The following CCDC198 variants were observed in gnomAD, a reference collection of about 807,000 sequenced individuals.
CCDC198 encodes the protein factor associated with metabolism and energy.
CCDC198 carries 18 observed loss-of-function variants against 35.6 expected under a neutral mutation model. The ratio of observed to expected loss-of-function variants is 0.51; its 90% CI spans 0.35 to 0.75. CCDC198 has a LOEUF of 0.75. CCDC198 is among the 30% of genes least tolerant of loss of function. The probability of loss-of-function intolerance (pLI) is 0.01; values close to 1 mark genes in which losing one functional copy is unlikely to be tolerated. For synonymous variants in CCDC198, 119 were observed against 113.4 expected (o/e 1.05, Z -0.31); for missense variants, 365 against 343.7 (o/e 1.06, Z -0.49).
In CCDC198 at chr14:57,470,975, C is replaced by T. The variant is rs76009641; in HGVS notation, c.*380G>A. ...GCTCTGAGGCTACATGGATAGGGGG[C>T]AAGGTCCCCCTGTGTCAGTGTCCTA... On this transcript the variant is annotated 3_prime_UTR_variant, in exon 6 of 6. Transcript: ENST00000216445. 2.0e-3 allele frequency: 346 copies of T among 173,450 alleles called. 2 individuals are homozygous for T. The highest frequency in any genetic ancestry group is 7.8e-3 in the African/African-American group (329 of 42,014). 10.7% of individuals were successfully genotyped at this position (173,450 alleles called of 1,614,324 possible). A position where few individuals can be genotyped will look rare whatever the true frequency, so the allele number is the denominator to read the frequency against.
chr14:57,483,221 A>G, intron 2 of CCDC198, 70 bp from the exon 3 acceptor site: 6 of 1,610,958 alleles, frequency 3.7e-6, no homozygotes, highest in South Asian at 1.1e-5. Context: ...AAAGCCAGAC[A>G]TTAAATTATC....
chr14:57,490,453 A>G (rs2067524696), intron 2 of CCDC198, among the ~76,000 whole-genome samples: 1 of 152,156 alleles, frequency 6.6e-6, no homozygotes, highest in African/African-American at 2.4e-5. Flanking sequence ...GGACTATAGA[A>G]ATTACTTATG....
At chr14:57,483,253 A>G (rs2067247774) in intron 2 of CCDC198, 102 bp from the exon 3 acceptor site, 5 of 1,556,930 alleles carry the variant, frequency 3.2e-6, no homozygotes, top group Non-Finnish European at 4.4e-6. Context: ...CAAAAGCGGC[A>G]CTTATTTCTG....
At position 57,471,480 on chromosome 14, in the gene CCDC198, G is replaced by A; in HGVS notation, c.766C>T (p.Leu256Phe). 1 of 1,613,928 alleles carries A rather than the reference G, an allele frequency of 6.2e-7. No homozygotes were observed. Among genetic ancestry groups the A allele is most frequent in the Non-Finnish European group, 8.5e-7 (1 of 1,179,926 alleles). ...TCAGAGCTGGAACTGTCCCAGAGAA[G>A]CTGTCCCTGGGCCTCTTGTTCATGA... ...WLHEQEAQGQLLWDSSSSDSD... is the reference protein window; with the variant it reads ...WLHEQEAQGQFLWDSSSSDSD... The change falls in exon 6 of 6, where the codon CTT (leucine) becomes TTT (phenylalanine). Residue 256 changes from leucine to phenylalanine, a missense_variant. Coordinates refer to ENST00000216445, the MANE Select transcript of CCDC198 (RefSeq NM_018168.4).
At chr14:57,473,654 G>T (rs745814669) in intron 5 of CCDC198, among the ~76,000 whole-genome samples, 3 of 152,020 alleles carry the variant, frequency 2.0e-5, no homozygotes, top group Non-Finnish European at 4.4e-5. Context: ...CTTATAATTG[G>T]TCTTCCTTCA....
At chr14:57,492,787 T>G in intron 1 of CCDC198, among the ~76,000 whole-genome samples, 1 of 151,962 alleles carries the variant, frequency 6.6e-6, no homozygotes, top group Non-Finnish European at 1.5e-5. Flanking sequence ...TATATGTATA[T>G]AATAAACATA....
At position 57,470,540 on chromosome 14, in the gene CCDC198, G is replaced by A. The variant is rs1007557568; in HGVS notation, c.*815C>T. 6.6e-6 allele frequency: 1 copy of A among 152,234 alleles called. No homozygotes were observed. Among genetic ancestry groups the A allele is most frequent in the Non-Finnish European group, 1.5e-5 (1 of 68,048 alleles). 9.4% of individuals were successfully genotyped at this position (152,234 alleles called of 1,614,324 possible). ...TTTAGTAGAGACGGTGTCTCACCATGTTGGCCAGGCTGGTCTTGAACTCCT... is the reference window on the plus strand; with the variant it reads ...TTTAGTAGAGACGGTGTCTCACCATATTGGCCAGGCTGGTCTTGAACTCCT... On this transcript the variant is annotated 3_prime_UTR_variant, in exon 6 of 6. Transcript: ENST00000216445.
intron 5 of CCDC198, among the ~76,000 whole-genome samples, chr14:57,479,671 G>C (rs991555936): frequency 6.6e-6 from 1 of 152,164 alleles, no homozygotes; most frequent in Admixed American, 6.5e-5. Flanking sequence ...TTACCGAGTA[G>C]AGTTAAGAAT....
intron 1 of CCDC198, among the ~76,000 whole-genome samples, chr14:57,492,781 T>C (rs930709457): frequency 6.6e-6 from 1 of 152,102 alleles, no homozygotes; most frequent in Non-Finnish European, 1.5e-5. Context: ...CATATATATA[T>C]GTATATAATA....
Position 57,480,164 on chromosome 14 carries a change from T to A in CCDC198, c.655+431A>T, listed in dbSNP as rs2067135463. On this transcript the variant is annotated intron_variant, in intron 5 of 5. Coordinates refer to ENST00000216445, the MANE Select transcript of CCDC198 (RefSeq NM_018168.4). ...GAAATTCTGAATGTGCCAAAGAGAG[T>A]TGACCTCCACAGAAAAGGGTGCAGT... 3 of 516,978 alleles carry A rather than the reference T, an allele frequency of 5.8e-6. No homozygotes were observed. The African/African-American group carries it at 6.3e-5, about 11-fold the overall frequency. The allele number at this position is 516,978 out of a possible 1,614,324, so 32.0% of individuals were successfully genotyped here.
At position 57,490,982 on chromosome 14, in the gene CCDC198, A is replaced by T; in HGVS notation, c.306+7T>A. 1 of 1,561,858 alleles carries T rather than the reference A, an allele frequency of 6.4e-7. No homozygotes were observed. The highest frequency in any genetic ancestry group is 2.2e-5 in the East Asian group (1 of 44,492). Reference sequence around the variant, plus strand: ...ATTCCTTATGAAGCCTTTTAAATTCATCTTACTTGAAGTCTTTGGGGTGGA... The same window carrying T: ...ATTCCTTATGAAGCCTTTTAAATTCTTCTTACTTGAAGTCTTTGGGGTGGA... On this transcript the variant is annotated splice_region_variant and intron_variant, in intron 2 of 5. Transcript: ENST00000216445.
intron 5 of CCDC198, among the ~76,000 whole-genome samples, chr14:57,477,005 G>A (rs780973835): frequency 6.6e-6 from 1 of 152,188 alleles, no homozygotes; most frequent in Non-Finnish European, 1.5e-5. Context: ...GTGCACGCCT[G>A]AGCAGCTTCA....
intron 5 of CCDC198, among the ~76,000 whole-genome samples, chr14:57,474,238 T>G (rs1152528): frequency 6.6e-6 from 1 of 152,176 alleles, no homozygotes; most frequent in African/African-American, 2.4e-5. Flanking sequence ...AATAAACAAA[T>G]GAGCAATCAG....
chr14:57,474,042 C>T (rs2066897613), intron 5 of CCDC198, among the ~76,000 whole-genome samples: 1 of 152,188 alleles, frequency 6.6e-6, no homozygotes, highest in South Asian at 2.1e-4. Flanking sequence ...ATGTCCCTTC[C>T]TCATGGAAAC....
rs1013850666 is a variant in CCDC198, at chr14:57,475,926, C to CCA, written c.656-4338_656-4337dup. On this transcript the variant is annotated intron_variant, in intron 5 of 5. Transcript: ENST00000216445. ...AAGTAATTCTCGTGCCTCAGCCTCC[C>CCA]CAGTAGTTGGGATTACAGGCATGTG... Among the ~76,000 whole-genome samples, 32 of 150,808 alleles carry CCA rather than the reference C, an allele frequency of 2.1e-4. No individual in the cohort carries two copies. The Middle Eastern group carries it at 0.017, about 81-fold the overall frequency.
chr14:57,478,958 G>A, intron 5 of CCDC198: 35 of 1,288,738 alleles, frequency 2.7e-5, no homozygotes, highest in Non-Finnish European at 3.4e-5. Flanking sequence ...GCTGATGTGG[G>A]GATTTGGCCC....
chr14:57,477,784 G>A (rs2067051866), intron 5 of CCDC198, among the ~76,000 whole-genome samples: 1 of 152,102 alleles, frequency 6.6e-6, no homozygotes, highest in Admixed American at 6.6e-5. Context: ...TGCAACCTCT[G>A]CTTACTGGGT....
chr14:57,483,226 A>C, intron 2 of CCDC198, 75 bp from the exon 3 acceptor site: 2 of 1,609,324 alleles, frequency 1.2e-6, no homozygotes, highest in Non-Finnish European at 1.7e-6. Flanking sequence ...CAGACATTAA[A>C]TTATCTTAAC....
At chr14:57,480,552 A>C in intron 5 of CCDC198, 43 bp downstream of exon 5, 1 of 1,601,354 alleles carries the variant, frequency 6.2e-7, no homozygotes. Context: ...TGAAGTTTTA[A>C]AAACACTTGA....
Sources: gnomAD v4.1 joint callset for allele counts (sites outside exome capture counted in the v4.1 genomes callset) on GRCh38, gnomAD v4.1.1 for gene constraint, MANE v1.5 for transcripts, NCBI Gene and HGNC (gene_info 2026-07-23, HGNC 2026-07-21) for gene names.